Variants in TEX14 observed in about 807,000 individuals in gnomAD.
TEX14 encodes the protein inactive serine/threonine-protein kinase TEX14.
Under a neutral mutation model 178.6 loss-of-function variants are expected in TEX14, and 168 were observed. The observed-to-expected ratio is 0.94, with a 90% CI of 0.83 to 1.07. TEX14 has a LOEUF of 1.07. Ranked by LOEUF, TEX14 falls within the 50% of genes least tolerant of loss-of-function variation. TEX14 has a pLI of 0.00. For synonymous variants in TEX14, 626 were observed against 634.1 expected (o/e 0.99, Z 0.19); for missense variants, 1,730 against 1,753.6 (o/e 0.99, Z 0.24).
rs141098958 is a variant in TEX14 at position 58,662,704 on chromosome 17, C to T, written c.-1-10702G>A. 3.4e-3 allele frequency among the ~76,000 whole-genome samples: 525 copies of T among 152,210 alleles called. 6 individuals carry two copies. Among genetic ancestry groups the T allele is most frequent in the African/African-American group, 0.012 (515 of 41,526 alleles). ...TCTGAATTTCCAACCATCACTTTGC[C>T]TCATGGGAGTCAAGGAAGGAAGGGT... is the stretch of plus-strand genomic sequence containing the variant. On this transcript the variant is annotated intron_variant, in intron 1 of 31. Coordinates refer to ENST00000349033, the MANE Select transcript of TEX14 (RefSeq NM_031272.5).
chr17:58,688,965 C>A (rs1175137571), intron 1 of TEX14, among the ~76,000 whole-genome samples: 1 of 152,098 alleles, frequency 6.6e-6, no homozygotes, highest in Non-Finnish European at 1.5e-5. Context: ...GAGTCTCGCT[C>A]TGTCACAGAG....
At chr17:58,682,174 C>G (rs2047511228) in intron 1 of TEX14, among the ~76,000 whole-genome samples, 1 of 152,064 alleles carries the variant, frequency 6.6e-6, no homozygotes, top group African/African-American at 2.4e-5. Flanking sequence ...GGCTCAAACT[C>G]CTGGGCTCAA....
intron 1 of TEX14, among the ~76,000 whole-genome samples, chr17:58,684,298 C>T (rs2047554095): frequency 6.6e-6 from 1 of 151,762 alleles, no homozygotes. Context: ...CCCATCTCTA[C>T]TAAAAATACA....
chr17:58,617,029 C>A (rs1172620503), intron 6 of TEX14, among the ~76,000 whole-genome samples: 1 of 152,130 alleles, frequency 6.6e-6, no homozygotes, highest in South Asian at 2.1e-4. Flanking sequence ...GGCGGGTGGA[C>A]CGATTGAGTC....
chr17:58,653,453 G>A (rs753012272), intron 1 of TEX14, among the ~76,000 whole-genome samples: 3 of 152,136 alleles, frequency 2.0e-5, no homozygotes, highest in Non-Finnish European at 4.4e-5. Context: ...AAATTTATAT[G>A]TTAAAAACTC....
intron 1 of TEX14, among the ~76,000 whole-genome samples, chr17:58,686,177 A>T (rs2047587734): frequency 1.3e-5 from 2 of 152,016 alleles, no homozygotes; most frequent in Admixed American, 6.6e-5. Flanking sequence ...CTTTACAAAA[A>T]TTTTTAAAAA....
At chr17:58,573,052 G>A in intron 23 of TEX14, 129 bp downstream of exon 23, 1 of 1,312,724 alleles carries the variant, frequency 7.6e-7, no homozygotes. Flanking sequence ...CCCAGTTTTG[G>A]CCCTAAAGAA....
chr17:58,585,256 C>A (rs1203445154), intron 18 of TEX14, among the ~76,000 whole-genome samples: 1 of 152,084 alleles, frequency 6.6e-6, no homozygotes, highest in Non-Finnish European at 1.5e-5. Context: ...GACAAAGGGA[C>A]CTGTTTCAGT....
At chr17:58,612,289 G>C (rs2045763744) in intron 9 of TEX14, among the ~76,000 whole-genome samples, 1 of 152,160 alleles carries the variant, frequency 6.6e-6, no homozygotes, top group Admixed American at 6.5e-5. Context: ...TTAGATGTCT[G>C]ATCAAGAAGC....
chr17:58,633,151 G>C (rs1179548684), intron 2 of TEX14, among the ~76,000 whole-genome samples: 3 of 152,134 alleles, frequency 2.0e-5, no homozygotes, highest in Non-Finnish European at 2.9e-5. Context: ...TGGACAGGCT[G>C]TTCTCCCTGA....
chr17:58,602,347 A>G, intron 12 of TEX14, 53 bp downstream of exon 12: 1 of 1,516,640 alleles, frequency 6.6e-7, no homozygotes, highest in Non-Finnish European at 8.9e-7. Flanking sequence ...CTAACTCCCT[A>G]TTCTCCTGAG....
rs1468313675 is a variant in TEX14 at position 58,569,160 on chromosome 17, G to A, written c.3886+32C>T. ...GGTCAGTGACATAACTAACAGGGCC[G>A]AGAAGTATATTCTGTATTGAACATC... On this transcript the variant is annotated intron_variant, in intron 26 of 31. Coordinates refer to ENST00000349033, the MANE Select transcript of TEX14 (RefSeq NM_031272.5). This position sits in a 1 kb window ranked among gnomAD's most constrained non-coding sequence, Gnocchi z 4.1. 1.8e-5 allele frequency: 29 copies of A among 1,570,992 alleles called. No homozygotes were observed. The highest frequency in any genetic ancestry group is 2.4e-5 in the Non-Finnish European group (27 of 1,142,158).
At chr17:58,677,119 C>G (rs1348436486) in intron 1 of TEX14, among the ~76,000 whole-genome samples, 1 of 78,662 alleles carries the variant, frequency 1.3e-5, no homozygotes, top group Non-Finnish European at 2.6e-5. Flanking sequence ...AACTCCGTCT[C>G]AAAAAAAAAA....
chr17:58,592,222 T>C (rs831952), intron 15 of TEX14, among the ~76,000 whole-genome samples: 22,379 of 151,458 alleles, frequency 0.15, 2,051 homozygotes, highest in Middle Eastern at 0.21. Context: ...TTAAGTTCGT[T>C]CTTTATTTAT....
chr17:58,621,875 C>A, intron 4 of TEX14, 89 bp from the exon 5 acceptor site: 1 of 1,415,640 alleles, frequency 7.1e-7, no homozygotes, highest in Non-Finnish European at 9.4e-7. Flanking sequence ...GTCCGAGGAG[C>A]TGAGAGCCCC....
chr17:58,633,314 A>G (rs1456215781), intron 2 of TEX14, among the ~76,000 whole-genome samples: 1 of 152,208 alleles, frequency 6.6e-6, no homozygotes, highest in African/African-American at 2.4e-5. Flanking sequence ...TGCCACCTGC[A>G]TGAGACTTTA....
At position 58,577,384 on chromosome 17, in the gene TEX14, G is replaced by A. The variant is rs774276378; in HGVS notation, c.3311C>T (p.Pro1104Leu). Residue 1104 changes from proline (P) to leucine (L), a missense_variant, in exon 21 of 32, where the codon CCT (proline) becomes CTT (leucine). Pro to Leu is a moderately conservative substitution (Grantham distance 98, BLOSUM62 -3). This residue lies in a region of TEX14 where 941 missense variants were observed against 1,072.4 expected (regional missense o/e 0.88). Coordinates refer to ENST00000349033, the MANE Select transcript of TEX14 (RefSeq NM_031272.5). ...AEILPRSQFQ[P>L]VRSTEDEQEE... ...TAATAATAGCCCATACCTTCGTACA[G>A]GTTGAAATTGAGACCTGGGCAAAAT... The A allele has an allele frequency of 4.1e-6, 6 of 1,460,826 alleles. No individual in the cohort carries two copies. Among genetic ancestry groups the A allele is most frequent in the Non-Finnish European group, 4.6e-6 (5 of 1,087,234 alleles). 90.5% of individuals were successfully genotyped at this position (1,460,826 alleles called of 1,614,324 possible). A position where few individuals can be genotyped will look rare whatever the true frequency, so the allele number is the denominator to read the frequency against.
chr17:58,638,982 GC>G (rs2046506829), intron 2 of TEX14, among the ~76,000 whole-genome samples: 1 of 146,606 alleles, frequency 6.8e-6, no homozygotes, highest in Non-Finnish European at 1.5e-5. Context: ...TCCTGCCTCA[GC>G]CTCCTGAGTA....
intron 2 of TEX14, among the ~76,000 whole-genome samples, chr17:58,632,259 A>G (rs931089405): frequency 6.6e-6 from 1 of 152,228 alleles, no homozygotes; most frequent in East Asian, 1.9e-4. Context: ...TGATATTTGC[A>G]TAGCGCGCCC....
Sources: allele counts gnomAD v4.1 joint callset (sites outside exome capture counted in the v4.1 genomes callset), GRCh38; gene constraint gnomAD v4.1.1; regional missense constraint gnomAD v4.1.1; non-coding constraint Gnocchi (gnomAD v3.1); transcripts MANE v1.5; gene names NCBI Gene and HGNC (gene_info 2026-07-23, HGNC 2026-07-21).